The following IFT172 variants were observed in gnomAD, a reference collection of about 807,000 sequenced individuals.
IFT172 encodes the protein intraflagellar transport protein 172 homolog.
IFT172 carries 164 observed loss-of-function variants against 248.9 expected under a neutral mutation model. The ratio of observed to expected loss-of-function variants is 0.66; its 90% confidence interval spans 0.58 to 0.75. The LOEUF is 0.75. Ranked by LOEUF, IFT172 falls within the 30% of genes least tolerant of loss-of-function variation. IFT172 has a pLI of 0.00. For missense variants in IFT172, 1,950 were observed against 2,192.4 expected (o/e 0.89, Z 2.21); for synonymous variants, 729 against 791.6 (o/e 0.92, Z 1.33).
chr2:27,470,809 A>G (rs1667507472), intron 16 of IFT172, 119 bp downstream of exon 16: 4 of 996,994 alleles, frequency 4.0e-6, no homozygotes, highest in Non-Finnish European at 5.6e-6. Flanking sequence ...TTATTTGCCA[A>G]TTCTATCACA....
chr2:27,464,670 G>A (rs994111925), intron 18 of IFT172, among the ~76,000 whole-genome samples: 17 of 151,858 alleles, frequency 1.1e-4, no homozygotes, highest in Admixed American at 2.6e-4. Flanking sequence ...CCAGGCTGGA[G>A]TGCAGTTGCA....
chr2:27,470,270 GAAA>G (rs34157692), intron 16 of IFT172, among the ~76,000 whole-genome samples: 1 of 139,704 alleles, frequency 7.2e-6, no homozygotes, highest in African/African-American at 2.7e-5. Context: ...AAGAGAGAGA[GAAA>G]AAAAAAAGAG....
Position 27,485,475 on chromosome 2 carries a change from G to C in IFT172, c.68C>G (p.Ala23Gly). The change falls in exon 2 of 48, where the codon GCT becomes GGT. Residue 23 changes from alanine to glycine, a missense_variant. By Grantham distance (60) the Ala-to-Gly change is moderately conservative. Coordinates refer to ENST00000260570, the MANE Select transcript of IFT172 (RefSeq NM_015662.3). ...AAATTTGGCATTGTTCTGGGACCAA[G>C]CCATGCAGGTCACCTTTGCAGCTCC... ...QDGAAKVTCMAWSQNNAKFAV... is the reference protein window; with the variant it reads ...QDGAAKVTCMGWSQNNAKFAV... 4 of 1,614,082 alleles carry C rather than the reference G, an allele frequency of 2.5e-6. No homozygotes were observed. The highest frequency in any genetic ancestry group is 1.7e-5 in the Admixed American group (1 of 60,022).
At position 27,485,060 on chromosome 2, in the gene IFT172, T is replaced by C. The variant is rs1315759776; in HGVS notation, c.254A>G (p.Gln85Arg). The C allele has an allele frequency of 1.2e-6, 2 of 1,608,594 alleles. No homozygotes were observed. Among genetic ancestry groups the C allele is most frequent in the South Asian group, 2.2e-5 (2 of 90,952 alleles). Residue 85 changes from glutamine (Q) to arginine (R), a missense_variant, in exon 3 of 48, where the codon CAG (glutamine) becomes CGG (arginine). This residue lies in a region of IFT172 where 1,166 missense variants were observed against 1,254.1 expected (regional missense o/e 0.93). Coordinates refer to ENST00000260570, the MANE Select transcript of IFT172 (RefSeq NM_015662.3). ...SPDSTKIAIG[Q>R]TDNIIYVYKI... ...GTAGACATAGATGATGTTGTCAGTC[T>C]GTCCTATGGCAATTTTAGTGGAATC...
Position 27,453,990 on chromosome 2 carries a change from A to G in IFT172, c.3703T>C (p.Tyr1235His). 1 of 1,610,104 alleles carries G rather than the reference A, an allele frequency of 6.2e-7. No individual in the cohort carries two copies. Among genetic ancestry groups the G allele is most frequent in the Non-Finnish European group, 8.5e-7 (1 of 1,179,186 alleles). Reference protein sequence around the residue: ...RAQRPGLALNYYKEAGLWSDA... With the variant: ...RAQRPGLALNHYKEAGLWSDA... ...TGCATCCAGTGCCCCACCTTATAATAATTGAGGGCCAGGCCTGGTCTCTGG... is the reference window on the plus strand; with the variant it reads ...TGCATCCAGTGCCCCACCTTATAATGATTGAGGGCCAGGCCTGGTCTCTGG... The change falls in exon 33 of 48, where the codon TAT (tyrosine) becomes CAT (histidine). Residue 1235 changes from tyrosine to histidine, a missense_variant. Physicochemically the swap from Tyr to His is moderately conservative, Grantham distance 83. Around this residue, in one of 3 missense-constraint regions of IFT172, gnomAD observed 620 missense variants for 699.0 expected, o/e 0.89. Transcript: ENST00000260570.
rs367662405 is a variant in IFT172 at position 27,459,441 on chromosome 2, C to T, written c.2724G>A (p.Arg908=). 5.0e-6 allele frequency: 8 copies of T among 1,614,072 alleles called. No homozygotes were observed. Among genetic ancestry groups the T allele is most frequent in the Non-Finnish European group, 6.8e-6 (8 of 1,180,056 alleles). ...GAGGATAGTATTTGGATGCAGTGTTCCGGTCCTGTAGATCTAATATATAAA... is the reference window on the plus strand; with the variant it reads ...GAGGATAGTATTTGGATGCAGTGTTTCGGTCCTGTAGATCTAATATATAAA... ...KAIYILDLQD[R]NTASKYYPLV... Residue 908 remains arginine, a synonymous_variant, in exon 25 of 48, where the codon CGG becomes CGA. Coordinates refer to ENST00000260570, the MANE Select transcript of IFT172 (RefSeq NM_015662.3).
intron 1 of IFT172, among the ~76,000 whole-genome samples, chr2:27,487,203 C>T (rs1028696536): frequency 6.6e-6 from 1 of 152,190 alleles, no homozygotes; most frequent in African/African-American, 2.4e-5. Flanking sequence ...CCTTGGCCTC[C>T]TGAAGTGCTG....
intron 16 of IFT172, 48 bp from the exon 17 acceptor site, chr2:27,465,930 A>G (rs1236264935): frequency 1.9e-6 from 3 of 1,610,244 alleles, no homozygotes; most frequent in Non-Finnish European, 2.5e-6. Flanking sequence ...GTTAGTTTCC[A>G]CTGAATCAAT....
chr2:27,452,878 CTTA>C, intron 35 of IFT172, among the ~76,000 whole-genome samples: 1 of 152,142 alleles, frequency 6.6e-6, no homozygotes, highest in Non-Finnish European at 1.5e-5. Context: ...TACAGTATGT[CTTA>C]TTATTTGTGA....
In IFT172 at chr2:27,454,743, A is replaced by C; in HGVS notation, c.3372-83T>G. On this transcript the variant is annotated intron_variant, in intron 30 of 47. Coordinates refer to ENST00000260570, the MANE Select transcript of IFT172 (RefSeq NM_015662.3). The surrounding 1 kb of genome is among the most constrained non-coding windows in gnomAD (Gnocchi z 4.2). The stretch of plus-strand genomic sequence containing the variant: ...ACAAGACAAAACAGAGAAAGGACAG[A>C]GTTGAGGGGAGAAAAAGTGACAGAT... The C allele has an allele frequency of 8.8e-7, 1 of 1,132,294 alleles. No individual in the cohort carries two copies. The highest frequency in any genetic ancestry group is 1.3e-6 in the Non-Finnish European group (1 of 763,592). The allele number at this position is 1,132,294 out of a possible 1,614,324, so 70.1% of individuals were successfully genotyped here.
chr2:27,447,488 G>C (rs532532533), intron 42 of IFT172, 27 bp downstream of exon 42: 4 of 1,610,956 alleles, frequency 2.5e-6, no homozygotes, highest in East Asian at 4.5e-5. Flanking sequence ...TTCTGACTGA[G>C]TGTTCCTTCG....
At chr2:27,470,271 A>G (rs773429525) in intron 16 of IFT172, among the ~76,000 whole-genome samples, 10 of 59,558 alleles carry the variant, frequency 1.7e-4, no homozygotes, top group Non-Finnish European at 3.8e-4. Context: ...AGAGAGAGAG[A>G]AAAAAAAAAG....
At chr2:27,474,204 G>A (rs570908329) in intron 14 of IFT172, among the ~76,000 whole-genome samples, 1 of 152,276 alleles carries the variant, frequency 6.6e-6, no homozygotes, top group East Asian at 1.9e-4. Flanking sequence ...TCGAATCTTA[G>A]GCCTCTTGGT....
chr2:27,450,099 G>C lies in IFT172; in HGVS notation c.3952-3C>G. On this transcript the variant is annotated splice_polypyrimidine_tract_variant and splice_region_variant and intron_variant, in intron 35 of 47. Coordinates refer to ENST00000260570, the MANE Select transcript of IFT172 (RefSeq NM_015662.3). ...AACTTGATGGAGAGTTCAGCTGCCTGAGTGGTTGAACAGAAGATGGAAATG... is the reference window on the plus strand; with the variant it reads ...AACTTGATGGAGAGTTCAGCTGCCTCAGTGGTTGAACAGAAGATGGAAATG... 6.2e-7 allele frequency: 1 copy of C among 1,609,642 alleles called. No individual in the cohort carries two copies. The highest frequency in any genetic ancestry group is 8.5e-7 in the Non-Finnish European group (1 of 1,175,938).
Position 27,453,711 on chromosome 2 carries a change from C to A in IFT172, c.3740G>T (p.Arg1247Leu). Residue 1247 changes from arginine to leucine, a missense_variant, in exon 34 of 48, where the codon CGC (arginine) becomes CTC (leucine). Arg to Leu is a moderately radical substitution (Grantham distance 102). Transcript: ENST00000260570. ...KEAGLWSDALRICKDYVPSQL... is the reference protein window; with the variant it reads ...KEAGLWSDALLICKDYVPSQL... ...GCTGGGCACATAGTCCTTGCAGATG[C>A]GCAGAGCGTCACTCCATAATCCAGC... The A allele has an allele frequency of 6.2e-7, 1 of 1,612,462 alleles. No homozygotes were observed. Among genetic ancestry groups the A allele is most frequent in the Non-Finnish European group, 8.5e-7 (1 of 1,179,636 alleles).
chr2:27,449,969 T>C (rs749017613), intron 36 of IFT172, 29 bp downstream of exon 36: 3 of 1,580,832 alleles, frequency 1.9e-6, no homozygotes, highest in Non-Finnish European at 2.6e-6. Context: ...GTGAAATCTA[T>C]TTCTGTTCCA....
rs1664841986 is a variant in IFT172, at chr2:27,444,394, A to T, written c.*38T>A. 7.6e-7 allele frequency: 1 copy of T among 1,321,968 alleles called. No individual in the cohort carries two copies. Among genetic ancestry groups the T allele is most frequent in the Admixed American group, 1.8e-5 (1 of 54,798 alleles). 81.9% of individuals were successfully genotyped at this position (1,321,968 alleles called of 1,614,324 possible). On this transcript the variant is annotated 3_prime_UTR_variant, in exon 48 of 48. Coordinates refer to ENST00000260570, the MANE Select transcript of IFT172 (RefSeq NM_015662.3). ...GGTCTCAATTATTTATAAAACTTTA[A>T]TGAGGGAGAGGCCCTAACTCTTCCT...
chr2:27,448,837 G>T, intron 40 of IFT172, 78 bp downstream of exon 40: 1 of 789,952 alleles, frequency 1.3e-6, no homozygotes, highest in African/African-American at 1.7e-5. Context: ...TGAGAAGATA[G>T]TTCCTGAGAA....
At chr2:27,461,585 C>G in intron 21 of IFT172, 68 bp from the exon 22 acceptor site, 2 of 1,573,034 alleles carry the variant, frequency 1.3e-6, no homozygotes, top group Non-Finnish European at 1.7e-6. Flanking sequence ...CCATGCTTCT[C>G]CAATCCCTCT....
Sources: gnomAD v4.1 joint callset for allele counts (sites outside exome capture counted in the v4.1 genomes callset) on GRCh38, gnomAD v4.1.1 for gene constraint, gnomAD v4.1.1 regional missense constraint, Gnocchi (gnomAD v3.1) non-coding constraint, MANE v1.5 for transcripts, NCBI Gene and HGNC (gene_info 2026-07-23, HGNC 2026-07-21) for gene names.